CCDC102B: variants seen among roughly 807,000 people sequenced by gnomAD.
The protein encoded by CCDC102B is coiled-coil domain containing 102B, also known as coiled-coil domain-containing protein 102B.
A neutral mutation model predicts 57.4 loss-of-function variants in CCDC102B; 75 were observed. That is an observed-to-expected ratio of 1.31 (90% CI 1.08 to 1.58). The LOEUF (loss-of-function observed/expected upper bound fraction) is 1.58, where lower values mean the gene tolerates loss of function less well. CCDC102B is among the 40% of genes most tolerant of loss of function. The pLI, the probability that CCDC102B is intolerant of heterozygous loss-of-function variation, is 0.00. For missense variants in CCDC102B, 636 were observed against 582.6 expected, an observed-to-expected ratio of 1.09 and a Z score of -0.94; for synonymous variants, 206 against 201.9, an observed-to-expected ratio of 1.02 and a Z score of -0.17.
At chr18:68,801,558 T>G (rs2035854316) in intron 1 of CCDC102B, among the ~76,000 whole-genome samples, 1 of 152,076 alleles carries the variant, frequency 6.6e-6, no homozygotes, top group Non-Finnish European at 1.5e-5. Context: ...AAAGGTGTCC[T>G]TAATATTGAG....
At chr18:68,864,120 C>G (rs554936865) in intron 4 of CCDC102B, among the ~76,000 whole-genome samples, 1 of 152,042 alleles carries the variant, frequency 6.6e-6, no homozygotes, top group South Asian at 2.1e-4. Context: ...ATTTTTGCCT[C>G]TCTTTATTGG....
chr18:69,026,531 A>G (rs1395598990), intron 7 of CCDC102B, among the ~76,000 whole-genome samples: 2 of 151,928 alleles, frequency 1.3e-5, no homozygotes, highest in Non-Finnish European at 2.9e-5. Flanking sequence ...AGAATGAAGC[A>G]TAATACGGCA....
At chr18:68,936,218 A>AT (rs2145153856) in intron 6 of CCDC102B, among the ~76,000 whole-genome samples, 1 of 152,136 alleles carries the variant, frequency 6.6e-6, no homozygotes, top group African/African-American at 2.4e-5. Flanking sequence ...AAAAAAAAAA[A>AT]ATCCAAAATC....
rs574919988 is a variant in CCDC102B, at chr18:68,758,221, ATTACATATGTATATATGTG to A, written c.-67+41638_-67+41656del. ...ATGTGTGTTGTATATGTATATATGT[ATTACATATGTATATATGTG>A]TTACATATGTGTATATATGTATATA... On this transcript the variant is annotated intron_variant, in intron 2 of 3. Transcript: ENST00000578970. Among the ~76,000 whole-genome samples the A allele has an allele frequency of 3.4e-4, 51 of 151,878 alleles. 3 individuals are homozygous for A. In the South Asian group the frequency reaches 9.8e-3, roughly 29 times the overall value.
intron 6 of CCDC102B, among the ~76,000 whole-genome samples, chr18:68,978,644 C>T (rs2050499361): frequency 6.6e-6 from 1 of 151,928 alleles, no homozygotes; most frequent in Admixed American, 6.6e-5. Flanking sequence ...TCAGAATTTA[C>T]ATAGGCCATA....
At chr18:68,741,026 T>C (rs192862755) in intron 2 of CCDC102B, among the ~76,000 whole-genome samples, 174 of 152,310 alleles carry the variant, frequency 1.1e-3, no homozygotes, top group South Asian at 2.1e-3. Context: ...ATTCTGTGGC[T>C]AGTTGGAGCA....
rs140325263 is a variant in CCDC102B at position 68,904,932 on chromosome 18, C to A, written c.1263+7504C>A. On this transcript the variant is annotated intron_variant, in intron 6 of 7. Transcript: ENST00000360242. Reference sequence around the variant, plus strand: ...AAAATCATGAATTTTAAATCTCAGTCCCTACTAAATATAGTGTTTGGCACA... The same window carrying A: ...AAAATCATGAATTTTAAATCTCAGTACCTACTAAATATAGTGTTTGGCACA... 1.6e-4 allele frequency among the ~76,000 whole-genome samples: 25 copies of A among 152,186 alleles called. 2 individuals carry two copies. In the East Asian group the frequency reaches 4.8e-3, roughly 29 times the overall value.
intron 6 of CCDC102B, among the ~76,000 whole-genome samples, chr18:68,973,911 C>T (rs2050366806): frequency 6.6e-6 from 1 of 152,030 alleles, no homozygotes; most frequent in Non-Finnish European, 1.5e-5. Flanking sequence ...CACTGTTCTG[C>T]AAAATCCACA....
chr18:68,720,719 C>CT (rs148540086), intron 2 of CCDC102B, among the ~76,000 whole-genome samples: 7,587 of 152,132 alleles, frequency 0.05, 589 homozygotes, highest in African/African-American at 0.17. Context: ...CCCGGTGAGT[C>CT]TTTTTTAGCA....
chr18:68,953,966 T>C (rs1024817346), intron 6 of CCDC102B, among the ~76,000 whole-genome samples: 10 of 152,134 alleles, frequency 6.6e-5, no homozygotes, highest in Non-Finnish European at 1.2e-4. Flanking sequence ...AATGTCATTT[T>C]AGTGGAAACA....
intron 2 of CCDC102B, among the ~76,000 whole-genome samples, chr18:68,719,632 C>G (rs1423076123): frequency 1.3e-5 from 2 of 152,188 alleles, no homozygotes; most frequent in African/African-American, 4.8e-5. Flanking sequence ...GGGAGGCCAT[C>G]TACATTACTC....
At chr18:68,942,971 G>A (rs1186731733) in intron 6 of CCDC102B, among the ~76,000 whole-genome samples, 1 of 133,652 alleles carries the variant, frequency 7.5e-6, no homozygotes, top group Non-Finnish European at 1.7e-5. Flanking sequence ...GGGTACTTGA[G>A]AGTAGGGAGT....
chr18:68,959,529 C>T (rs1454923164), intron 6 of CCDC102B, among the ~76,000 whole-genome samples: 1 of 152,074 alleles, frequency 6.6e-6, no homozygotes, highest in East Asian at 1.9e-4. Context: ...TCACTCAGGA[C>T]CTAAGGGCTC....
chr18:68,931,858 GT>G (rs1281027609), intron 6 of CCDC102B, among the ~76,000 whole-genome samples: 1 of 151,930 alleles, frequency 6.6e-6, no homozygotes, highest in Non-Finnish European at 1.5e-5. Context: ...GCTAAGAAAT[GT>G]AGTCTAGCTG....
chr18:69,037,942 G>A (rs1372910646), intron 7 of CCDC102B, among the ~76,000 whole-genome samples: 1 of 151,792 alleles, frequency 6.6e-6, no homozygotes, highest in Non-Finnish European at 1.5e-5. Flanking sequence ...TCACACCTCA[G>A]GTACTTTGCA....
At chr18:69,048,717 A>G (rs888107682) in intron 7 of CCDC102B, among the ~76,000 whole-genome samples, 1 of 152,026 alleles carries the variant, frequency 6.6e-6, no homozygotes, top group Non-Finnish European at 1.5e-5. Flanking sequence ...GTGCTTAAAA[A>G]AAACTCCCCT....
At position 68,849,845 on chromosome 18, in the gene CCDC102B, T is replaced by C. The variant is rs574373065; in HGVS notation, c.936+3424T>C. Among the ~76,000 whole-genome samples, 4 of 152,246 alleles carry C rather than the reference T, an allele frequency of 2.6e-5. No individual in the cohort carries two copies. In the East Asian group the frequency reaches 7.7e-4, roughly 29 times the overall value. Reference sequence around the variant, plus strand: ...ATTACTGTTGACTCACATATAGCCCTACCTGTGTTTGGAGGGCAGCCTTCT... The same window carrying C: ...ATTACTGTTGACTCACATATAGCCCCACCTGTGTTTGGAGGGCAGCCTTCT... On this transcript the variant is annotated intron_variant, in intron 4 of 7. Transcript: ENST00000360242.
At chr18:68,860,488 A>AG (rs2038700179) in intron 4 of CCDC102B, among the ~76,000 whole-genome samples, 1 of 131,524 alleles carries the variant, frequency 7.6e-6, no homozygotes. Context: ...AAAAAAAAAA[A>AG]GACACTACAG....
At chr18:68,843,024 C>T (rs112563081) in intron 3 of CCDC102B, among the ~76,000 whole-genome samples, 198 of 152,180 alleles carry the variant, frequency 1.3e-3, no homozygotes, top group Non-Finnish European at 2.3e-3. Flanking sequence ...CTATAATTCT[C>T]CTGGAGATCT....
Sources: allele counts gnomAD v4.1 joint callset (sites outside exome capture counted in the v4.1 genomes callset), GRCh38; gene constraint gnomAD v4.1.1; transcripts MANE v1.5; gene names NCBI Gene and HGNC (gene_info 2026-07-23, HGNC 2026-07-21).